SYT6: variants seen among roughly 807,000 people sequenced by gnomAD.
SYT6 encodes the protein synaptotagmin-6.
Under a neutral mutation model 38.4 loss-of-function variants are expected in SYT6, and 24 were observed. That is an observed-to-expected ratio of 0.62 (90% confidence interval 0.45 to 0.88). The LOEUF (loss-of-function observed/expected upper bound fraction) is 0.88. Ranked by LOEUF, SYT6 falls within the 40% of genes least tolerant of loss-of-function variation. The pLI is 0.00. For synonymous variants in SYT6, 265 were observed against 241.9 expected, an observed-to-expected ratio of 1.10 and a Z score of -0.89; for missense variants, 611 against 621.0, an observed-to-expected ratio of 0.98 and a Z score of 0.17.
intron 3 of SYT6, among the ~76,000 whole-genome samples, chr1:114,128,608 A>G (rs954678432): frequency 6.6e-6 from 1 of 152,166 alleles, no homozygotes; most frequent in Non-Finnish European, 1.5e-5. Context: ...GGCCCTTGTC[A>G]AGGCCGATGA....
At chr1:114,115,830 G>A (rs1676961030) in intron 3 of SYT6, among the ~76,000 whole-genome samples, 1 of 152,088 alleles carries the variant, frequency 6.6e-6, no homozygotes, top group Non-Finnish European at 1.5e-5. Context: ...GGTCTCATGT[G>A]CTAAGCTTGG....
intron 7 of SYT6, among the ~76,000 whole-genome samples, chr1:114,093,020 G>T (rs1235652312): frequency 1.3e-5 from 2 of 152,214 alleles, no homozygotes; most frequent in East Asian, 3.8e-4. Flanking sequence ...AGGTAGGTAG[G>T]TGGTCAAGAT....
chr1:114,126,073 A>G (rs1005533774), intron 3 of SYT6, among the ~76,000 whole-genome samples: 1 of 152,150 alleles, frequency 6.6e-6, no homozygotes, highest in Non-Finnish European at 1.5e-5. Context: ...ACAAGGCAAG[A>G]GAATTTCCTA....
At chr1:114,119,609 T>C (rs1311035074) in intron 3 of SYT6, among the ~76,000 whole-genome samples, 2 of 152,208 alleles carry the variant, frequency 1.3e-5, no homozygotes, top group African/African-American at 2.4e-5. Flanking sequence ...TGGGGAGATA[T>C]GGCTTGAACC....
At chr1:114,093,259 A>C (rs145237241) in intron 7 of SYT6, among the ~76,000 whole-genome samples, 28 of 152,290 alleles carry the variant, frequency 1.8e-4, no homozygotes, top group African/African-American at 6.0e-4. Context: ...AGTAGATGGG[A>C]AACCCATGAA....
intron 3 of SYT6, among the ~76,000 whole-genome samples, chr1:114,124,876 T>C (rs758724176): frequency 1.3e-5 from 2 of 152,188 alleles, no homozygotes; most frequent in South Asian, 4.1e-4. Flanking sequence ...CTTGAGCAGA[T>C]TGCCTGAGTT....
intron 3 of SYT6, among the ~76,000 whole-genome samples, chr1:114,121,673 T>C (rs1410602918): frequency 2.0e-5 from 3 of 152,340 alleles, no homozygotes; most frequent in Non-Finnish European, 4.4e-5. Context: ...GAAAATGATA[T>C]CAGTTTTGGT....
intron 5 of SYT6, 38 bp downstream of exon 5, chr1:114,099,056 G>A (rs1241666210): frequency 6.3e-7 from 1 of 1,579,072 alleles, no homozygotes; most frequent in East Asian, 2.2e-5. Flanking sequence ...GAGTGGGAGT[G>A]AGGGGTAGAA....
chr1:114,148,866 G>T (rs1679291216), intron 1 of SYT6, among the ~76,000 whole-genome samples: 1 of 152,130 alleles, frequency 6.6e-6, no homozygotes, highest in Non-Finnish European at 1.5e-5. Flanking sequence ...GCTGGGATTT[G>T]AACCTAGGAC....
intron 6 of SYT6, 146 bp from the exon 7 acceptor site, chr1:114,093,949 T>A: frequency 1.3e-6 from 1 of 764,796 alleles, no homozygotes; most frequent in Non-Finnish European, 2.2e-6. Context: ...TCTACTTTTC[T>A]GTTACAACCT....
At chr1:114,106,407 A>T (rs1462634830) in intron 3 of SYT6, among the ~76,000 whole-genome samples, 1 of 151,984 alleles carries the variant, frequency 6.6e-6, no homozygotes, top group Non-Finnish European at 1.5e-5. Flanking sequence ...GGTGAAGTTA[A>T]ATAACTGGCC....
At chr1:114,125,740 T>C (rs1190566027) in intron 3 of SYT6, among the ~76,000 whole-genome samples, 1 of 152,132 alleles carries the variant, frequency 6.6e-6, no homozygotes, top group Non-Finnish European at 1.5e-5. Flanking sequence ...TCCTCTAAGG[T>C]AGAAATATTT....
intron 1 of SYT6, among the ~76,000 whole-genome samples, chr1:114,148,740 ATTTAACC>A (rs927382306): frequency 9.9e-5 from 15 of 152,198 alleles, no homozygotes; most frequent in African/African-American, 3.4e-4. Context: ...ACATTATCTA[ATTTAACC>A]TTTCTAGCCT....
intron 3 of SYT6, among the ~76,000 whole-genome samples, chr1:114,107,604 G>A (rs763045168): frequency 3.3e-5 from 5 of 152,200 alleles, no homozygotes; most frequent in Admixed American, 6.5e-5. Context: ...GCACACACAA[G>A]CAGCGGAGGA....
intron 3 of SYT6, among the ~76,000 whole-genome samples, chr1:114,134,406 TGG>T (rs1379420137): frequency 2.6e-5 from 4 of 152,342 alleles, no homozygotes; most frequent in African/African-American, 9.6e-5. Context: ...AGTAAGCCAC[TGG>T]TCATTTAACA....
At chr1:114,095,993 C>T (rs1224557603) in intron 6 of SYT6, among the ~76,000 whole-genome samples, 1 of 150,868 alleles carries the variant, frequency 6.6e-6, no homozygotes, top group East Asian at 1.9e-4. Context: ...TACAGCCGAC[C>T]AGAGGCCTCT....
At chr1:114,116,365 G>C (rs1332553547) in intron 3 of SYT6, among the ~76,000 whole-genome samples, 1 of 152,132 alleles carries the variant, frequency 6.6e-6, no homozygotes, top group Non-Finnish European at 1.5e-5. Flanking sequence ...GAAGAACCCC[G>C]GGCCCTCTCT....
In SYT6 at chr1:114,116,091, C is replaced by G. The variant is rs530478672; in HGVS notation, c.1072-12370G>C. Reference sequence around the variant, plus strand: ...CCCTTCTGCCTGCCCCCACCTGCCTCTCTTGAAAGAAGATGAATGGATGGT... The same window carrying G: ...CCCTTCTGCCTGCCCCCACCTGCCTGTCTTGAAAGAAGATGAATGGATGGT... On this transcript the variant is annotated intron_variant, in intron 3 of 7. Coordinates refer to ENST00000610222, the MANE Select transcript of SYT6 (RefSeq NM_001253772.2). Among the ~76,000 whole-genome samples, 4 of 152,308 alleles carry G rather than the reference C, an allele frequency of 2.6e-5. No homozygotes were observed. In the East Asian group the frequency reaches 7.7e-4, roughly 29 times the overall value.
At chr1:114,103,756 CT>C (rs1482201851) in intron 3 of SYT6, 35 bp from the exon 4 acceptor site, 12 of 1,603,142 alleles carry the variant, frequency 7.5e-6, no homozygotes, top group Middle Eastern at 1.8e-4. Context: ...AGATGAGGGG[CT>C]TGCAGACCAT....
Sources: gnomAD v4.1 joint callset for allele counts (sites outside exome capture counted in the v4.1 genomes callset) on GRCh38, gnomAD v4.1.1 for gene constraint, MANE v1.5 for transcripts, NCBI Gene and HGNC (gene_info 2026-07-23, HGNC 2026-07-21) for gene names.